CRYL1: variants seen among roughly 807,000 people sequenced by gnomAD.
CRYL1 encodes lambda-crystallin homolog.
Under a neutral mutation model 36.6 loss-of-function variants are expected in CRYL1, and 29 were observed. The ratio of observed to expected loss-of-function variants is 0.79; its 90% confidence interval spans 0.59 to 1.08. The LOEUF is 1.08. Ranked by LOEUF, CRYL1 falls within the 50% of genes least tolerant of loss-of-function variation. CRYL1 has a pLI of 0.00. For synonymous variants in CRYL1, 152 were observed against 151.5 expected, an observed-to-expected ratio of 1.00 and a Z score of -0.02; for missense variants, 411 against 407.9, an observed-to-expected ratio of 1.01 and a Z score of -0.06.
intron 3 of CRYL1, among the ~76,000 whole-genome samples, chr13:20,444,363 T>C (rs2032411753): frequency 6.6e-6 from 1 of 152,228 alleles, no homozygotes; most frequent in Admixed American, 6.5e-5. Context: ...GAGAGATCTT[T>C]CCAAAGTAAA....
At chr13:20,454,491 C>G (rs1253902478) in intron 3 of CRYL1, among the ~76,000 whole-genome samples, 1 of 148,780 alleles carries the variant, frequency 6.7e-6, no homozygotes, top group African/African-American at 2.5e-5. Context: ...GATCTCGGCT[C>G]ACTGCAAGCT....
At chr13:20,413,880 A>G (rs190487547) in intron 5 of CRYL1, among the ~76,000 whole-genome samples, 1 of 152,272 alleles carries the variant, frequency 6.6e-6, no homozygotes, top group East Asian at 1.9e-4. Context: ...TAATATTATC[A>G]TATGTTATAA....
chr13:20,449,644 G>T (rs1014605085), intron 3 of CRYL1, among the ~76,000 whole-genome samples: 2 of 151,572 alleles, frequency 1.3e-5, no homozygotes, highest in African/African-American at 4.8e-5. Flanking sequence ...AATAGGAAAA[G>T]AAGTAATCGA....
intron 1 of CRYL1, among the ~76,000 whole-genome samples, chr13:20,517,141 C>T (rs1391966501): frequency 1.3e-5 from 2 of 152,070 alleles, no homozygotes; most frequent in Non-Finnish European, 2.9e-5. Context: ...TATCCTGGGA[C>T]AAAACTCTGA....
In CRYL1 at chr13:20,479,007, C is replaced by T. The variant is rs564509132; in HGVS notation, c.276+10363G>A. Among the ~76,000 whole-genome samples, 187 of 152,042 alleles carry T rather than the reference C, an allele frequency of 1.2e-3. 1 individual carries two copies. Among genetic ancestry groups the T allele is most frequent in the African/African-American group, 3.7e-3 (152 of 41,480 alleles). On this transcript the variant is annotated intron_variant, in intron 3 of 7. Coordinates refer to ENST00000298248, the MANE Select transcript of CRYL1 (RefSeq NM_015974.3). ...TCAATCTCCTGACCTGATGATCCCCCGACCTCGGCCTCCCCAAGTCTGTAA... is the reference window on the plus strand; with the variant it reads ...TCAATCTCCTGACCTGATGATCCCCTGACCTCGGCCTCCCCAAGTCTGTAA...
Position 20,489,402 on chromosome 13 carries a change from G to A in CRYL1, c.244C>T (p.Gln82Ter). ...TGCATGGCACCCTCTACTGCTTCTT[G>A]GATATTGGGACAACCACTGATGAGT... ...LSLISGCPNI[Q>*]EAVEGAMHIQ... is the part of the protein sequence containing the mutation. The change falls in exon 3 of 8, where the codon CAA becomes TAA. Residue 82 changes from glutamine (Q) to a stop codon, truncating the protein, a stop_gained. Coordinates refer to ENST00000298248, the MANE Select transcript of CRYL1 (RefSeq NM_015974.3). LOFTEE classifies it high-confidence loss of function. 2 of 1,613,494 alleles carry A rather than the reference G, an allele frequency of 1.2e-6. No individual in the cohort carries two copies. The highest frequency in any genetic ancestry group is 1.7e-6 in the Non-Finnish European group (2 of 1,180,016).
intron 2 of CRYL1, 62 bp downstream of exon 2, chr13:20,512,381 C>T: frequency 8.3e-7 from 1 of 1,198,986 alleles, no homozygotes; most frequent in Non-Finnish European, 1.2e-6. Context: ...ATATGACAAA[C>T]AAGACCAACT....
At chr13:20,493,802 G>A (rs9552210) in intron 2 of CRYL1, among the ~76,000 whole-genome samples, 82,832 of 151,928 alleles carry the variant, frequency 0.55, 22,921 homozygotes, top group Non-Finnish European at 0.59. Flanking sequence ...TAAAAAGTCA[G>A]GACTTTAGAA....
chr13:20,498,720 C>T (rs910068740), intron 2 of CRYL1, among the ~76,000 whole-genome samples: 2 of 152,114 alleles, frequency 1.3e-5, no homozygotes, highest in Admixed American at 6.5e-5. Context: ...AGTAAAACCA[C>T]AGAAGAAAAC....
chr13:20,499,104 A>T (rs889808187), intron 2 of CRYL1, among the ~76,000 whole-genome samples: 3 of 152,150 alleles, frequency 2.0e-5, no homozygotes, highest in African/African-American at 7.2e-5. Context: ...ACACTTTGGG[A>T]AGACAAGATG....
At chr13:20,476,312 G>A (rs553864738) in intron 3 of CRYL1, among the ~76,000 whole-genome samples, 161 of 147,582 alleles carry the variant, frequency 1.1e-3, no homozygotes, top group Non-Finnish European at 1.8e-3. Context: ...CCAAGATCGC[G>A]CCACTGCACT....
At chr13:20,514,941 C>T (rs2033975633) in intron 1 of CRYL1, among the ~76,000 whole-genome samples, 1 of 152,022 alleles carries the variant, frequency 6.6e-6, no homozygotes, top group Admixed American at 6.6e-5. Context: ...ATGATTATAG[C>T]AGCATTATTC....
chr13:20,497,796 A>T (rs1416550942), intron 2 of CRYL1, among the ~76,000 whole-genome samples: 2 of 151,238 alleles, frequency 1.3e-5, no homozygotes, highest in Non-Finnish European at 2.9e-5. Flanking sequence ...ACACAACTAC[A>T]CACACCACAT....
intron 1 of CRYL1, among the ~76,000 whole-genome samples, chr13:20,516,745 G>A (rs1376724341): frequency 1.3e-5 from 2 of 152,156 alleles, no homozygotes; most frequent in African/African-American, 4.8e-5. Flanking sequence ...CTCCAAAAGT[G>A]CTAGGATTAC....
At chr13:20,431,768 A>C (rs2032065807) in intron 5 of CRYL1, 1 of 1,243,180 alleles carries the variant, frequency 8.0e-7, no homozygotes, top group Non-Finnish European at 1.0e-6. Flanking sequence ...CTGAGGGGTA[A>C]AAGCTGCCTC....
chr13:20,512,334 C>T (rs752577929), intron 2 of CRYL1, 109 bp downstream of exon 2: 29 of 779,254 alleles, frequency 3.7e-5, no homozygotes, highest in Non-Finnish European at 5.1e-5. Flanking sequence ...AGCCATCAGA[C>T]GAAAATGTGA....
At chr13:20,513,425 A>C (rs1035100711) in intron 1 of CRYL1, 1 of 152,322 alleles carries the variant, frequency 6.6e-6, no homozygotes, top group African/African-American at 2.4e-5. Flanking sequence ...GGTATCAGGC[A>C]CCATCAAACA....
intron 3 of CRYL1, among the ~76,000 whole-genome samples, chr13:20,480,105 G>A (rs1335337015): frequency 1.3e-5 from 2 of 152,166 alleles, no homozygotes; most frequent in South Asian, 4.1e-4. Flanking sequence ...AAAAATGCAC[G>A]GCCAGGCATG....
chr13:20,415,996 C>A lies in CRYL1; in HGVS notation c.634-2609G>T, dbSNP rs1205088419. Among the ~76,000 whole-genome samples the A allele has an allele frequency of 1.3e-5, 2 of 152,218 alleles. No homozygotes were observed. Among genetic ancestry groups the A allele is most frequent in the African/African-American group, 4.8e-5 (2 of 41,466 alleles). On this transcript the variant is annotated intron_variant, in intron 5 of 7. Transcript: ENST00000298248. This position sits in a 1 kb window ranked among gnomAD's most constrained non-coding sequence, Gnocchi z 4.1. ...TAGTCTGGGGCTCCTGTGAGCAGGG[C>A]AGCCAGGGTCACGCGCACAGGGCCC... is the stretch of plus-strand genomic sequence containing the variant.
Sources: gnomAD v4.1 joint callset for allele counts (sites outside exome capture counted in the v4.1 genomes callset) on GRCh38, gnomAD v4.1.1 for gene constraint, Gnocchi (gnomAD v3.1) non-coding constraint, MANE v1.5 for transcripts, NCBI Gene and HGNC (gene_info 2026-07-23, HGNC 2026-07-21) for gene names.